The following CNTN4 variants were observed in gnomAD, a reference collection of about 807,000 sequenced individuals.
CNTN4 encodes contactin 4, also known as contactin-4.
CNTN4 carries 77 observed loss-of-function variants against 122.5 expected under a neutral mutation model. The observed-to-expected ratio is 0.63, with a 90% CI of 0.52 to 0.76. The LOEUF is 0.76. CNTN4 is among the 30% of genes least tolerant of loss of function. The probability of loss-of-function intolerance (pLI) is 0.00; values close to 1 mark genes in which losing one functional copy is unlikely to be tolerated. For synonymous variants in CNTN4, 512 were observed against 447.0 expected, an observed-to-expected ratio of 1.15 and a Z score of -1.83; for missense variants, 1,256 against 1,259.1, an observed-to-expected ratio of 1.00 and a Z score of 0.04.
At chr3:2,292,219 C>T (rs1433863337) in intron 2 of CNTN4, among the ~76,000 whole-genome samples, 1 of 152,154 alleles carries the variant, frequency 6.6e-6, no homozygotes, top group Non-Finnish European at 1.5e-5. Flanking sequence ...CTTCTGGATT[C>T]TTCTCTAATA....
intron 4 of CNTN4, among the ~76,000 whole-genome samples, chr3:2,590,986 CGA>C (rs1559277906): frequency 6.6e-6 from 1 of 152,072 alleles, no homozygotes; most frequent in Non-Finnish European, 1.5e-5. Context: ...CATCAATATT[CGA>C]AATAATGCAT....
chr3:2,995,121 C>T (rs1476930084), intron 14 of CNTN4, among the ~76,000 whole-genome samples: 1 of 151,992 alleles, frequency 6.6e-6, no homozygotes, highest in Non-Finnish European at 1.5e-5. Context: ...GAACATCTGG[C>T]CAGAACATTT....
At chr3:2,258,014 G>C (rs1333089960) in intron 2 of CNTN4, among the ~76,000 whole-genome samples, 1 of 152,162 alleles carries the variant, frequency 6.6e-6, no homozygotes, top group Admixed American at 6.5e-5. Context: ...AGTGAGCTGA[G>C]ATCGCACCAT....
intron 4 of CNTN4, among the ~76,000 whole-genome samples, chr3:2,621,553 C>A (rs140392668): frequency 3.3e-4 from 50 of 151,898 alleles, no homozygotes; most frequent in African/African-American, 9.4e-4. Context: ...TGTAGATGAC[C>A]GGTTGATGGG....
chr3:2,744,582 C>G (rs2149546097), intron 5 of CNTN4, among the ~76,000 whole-genome samples: 1 of 152,252 alleles, frequency 6.6e-6, no homozygotes, highest in East Asian at 1.9e-4. Context: ...AGTTAATATT[C>G]TGTGTAAGAG....
intron 2 of CNTN4, among the ~76,000 whole-genome samples, chr3:2,252,518 GA>G (rs922483758): frequency 1.3e-5 from 2 of 151,856 alleles, no homozygotes; most frequent in African/African-American, 4.8e-5. Flanking sequence ...ATAAGAAAAA[GA>G]AAAAAATTAG....
Position 2,297,037 on chromosome 3 carries a change from T to G in CNTN4, c.-144-42141T>G, listed in dbSNP as rs375289548. On this transcript the variant is annotated intron_variant, in intron 2 of 24. Transcript: ENST00000418658. Reference sequence around the variant, plus strand: ...TCAGGCCTTTGATCATAGGCATTATTTTCAATTTGGATGAACTGGGGTATT... The same window carrying G: ...TCAGGCCTTTGATCATAGGCATTATGTTCAATTTGGATGAACTGGGGTATT... Among the ~76,000 whole-genome samples the G allele has an allele frequency of 2.2e-4, 33 of 152,336 alleles. No homozygotes were observed. The South Asian group carries it at 6.8e-3, about 32-fold the overall frequency.
In CNTN4 at chr3:2,745,689, A is replaced by G. The variant is rs754622328; in HGVS notation, c.350A>G (p.Gln117Arg). 17 of 1,613,842 alleles carry G rather than the reference A, an allele frequency of 1.1e-5. No individual in the cohort carries two copies. The highest frequency in any genetic ancestry group is 1.0e-4 in the Admixed American group (6 of 60,002). The change falls in exon 6 of 25, where the codon CAG becomes CGG. Residue 117 changes from glutamine (Q) to arginine (R), a missense_variant. By Grantham distance (43) the Gln-to-Arg change is conservative. Coordinates refer to ENST00000418658, the MANE Select transcript of CNTN4 (RefSeq NM_175607.3). ...GTIVSREAKL[Q>R]FAYLDNFKTR... Reference sequence around the variant, plus strand: ...ATTGTTAGCAGAGAAGCAAAGCTTCAGTTTGCTTGTAAGTAGCAATTATAC... The same window carrying G: ...ATTGTTAGCAGAGAAGCAAAGCTTCGGTTTGCTTGTAAGTAGCAATTATAC...
chr3:3,056,424 G>C lies in CNTN4; in HGVS notation c.*204G>C, dbSNP rs894010214. On this transcript the variant is annotated 3_prime_UTR_variant, in exon 25 of 25. Transcript: ENST00000418658. ...TGTCTGAAGTTTCTTTGGAAACTCT[G>C]CAATGCACTGAAGACATCTGTAATA... is the stretch of plus-strand genomic sequence containing the variant. 5.5e-6 allele frequency: 3 copies of C among 548,128 alleles called. No individual in the cohort carries two copies. The African/African-American group carries it at 5.7e-5, about 10-fold the overall frequency. 34.0% of individuals were successfully genotyped at this position (548,128 alleles called of 1,614,324 possible).
chr3:2,170,278 C>G (rs565963612), intron 2 of CNTN4, among the ~76,000 whole-genome samples: 1,797 of 151,652 alleles, frequency 0.012, 21 homozygotes, highest in Admixed American at 0.025. Flanking sequence ...CGAGATCGCG[C>G]CACCGCACTC....
intron 3 of CNTN4, among the ~76,000 whole-genome samples, chr3:2,378,291 C>A (rs1234045201): frequency 6.6e-6 from 1 of 152,156 alleles, no homozygotes; most frequent in Non-Finnish European, 1.5e-5. Flanking sequence ...TCAGTATGGG[C>A]CTTCCCAAAT....
At chr3:2,562,256 G>A (rs903526776) in intron 3 of CNTN4, among the ~76,000 whole-genome samples, 9 of 151,962 alleles carry the variant, frequency 5.9e-5, no homozygotes, top group African/African-American at 1.9e-4. Flanking sequence ...AAATTCAGGG[G>A]GTACTTGTGT....
At chr3:2,750,328 A>C (rs2090028716) in intron 6 of CNTN4, among the ~76,000 whole-genome samples, 1 of 152,250 alleles carries the variant, frequency 6.6e-6, no homozygotes, top group Non-Finnish European at 1.5e-5. Context: ...CTTATAAGGT[A>C]GACATTATTT....
intron 4 of CNTN4, among the ~76,000 whole-genome samples, chr3:2,714,021 A>T (rs2087321212): frequency 6.6e-6 from 1 of 152,132 alleles, no homozygotes. Flanking sequence ...AATGTTAGCT[A>T]TTTTCACTAC....
chr3:2,571,595 G>C lies in CNTN4; in HGVS notation c.55+37G>C, dbSNP rs775005762. 3.4e-6 allele frequency: 5 copies of C among 1,481,632 alleles called. No individual in the cohort carries two copies. In the South Asian group the frequency reaches 5.7e-5, roughly 17 times the overall value. The allele number at this position is 1,481,632 out of a possible 1,614,324, so 91.8% of individuals were successfully genotyped here. On this transcript the variant is annotated intron_variant, in intron 4 of 24. Coordinates refer to ENST00000418658, the MANE Select transcript of CNTN4 (RefSeq NM_175607.3). ...TTTTAAAACTTTTTGATTTAGAAATGCCACTGTATTTCACACTAATTCAAA... is the reference window on the plus strand; with the variant it reads ...TTTTAAAACTTTTTGATTTAGAAATCCCACTGTATTTCACACTAATTCAAA...
At position 2,709,593 on chromosome 3, in the gene CNTN4, A is replaced by C. The variant is rs557943563; in HGVS notation, c.56-26622A>C. On this transcript the variant is annotated intron_variant, in intron 4 of 24. Transcript: ENST00000418658. This position sits in a 1 kb window ranked among gnomAD's most constrained non-coding sequence, Gnocchi z 5.0. ...AAAATGAACAATTTCACATATTGAA[A>C]AATGTTTTTAATAATTAATCATTTA... 2.0e-5 allele frequency among the ~76,000 whole-genome samples: 3 copies of C among 152,212 alleles called. No homozygotes were observed. The East Asian group carries it at 5.8e-4, about 29-fold the overall frequency.
chr3:2,704,035 G>A (rs1028560690), intron 4 of CNTN4, among the ~76,000 whole-genome samples: 4 of 152,148 alleles, frequency 2.6e-5, no homozygotes, highest in African/African-American at 9.6e-5. Flanking sequence ...GATCACGCCT[G>A]TAATCCCAGA....
At chr3:2,641,868 A>G (rs2082909278) in intron 4 of CNTN4, among the ~76,000 whole-genome samples, 1 of 152,164 alleles carries the variant, frequency 6.6e-6, no homozygotes, top group Non-Finnish European at 1.5e-5. Context: ...ATTGCAAGCC[A>G]TTTTTACATC....
intron 4 of CNTN4, among the ~76,000 whole-genome samples, chr3:2,623,396 A>G (rs756336613): frequency 6.6e-5 from 10 of 152,142 alleles, no homozygotes; most frequent in Admixed American, 1.3e-4. Flanking sequence ...TTCTGGTGGT[A>G]GGCGATTAAT....
Sources: gnomAD v4.1 joint callset for allele counts (sites outside exome capture counted in the v4.1 genomes callset) on GRCh38, gnomAD v4.1.1 for gene constraint, Gnocchi (gnomAD v3.1) non-coding constraint, MANE v1.5 for transcripts, NCBI Gene and HGNC (gene_info 2026-07-23, HGNC 2026-07-21) for gene names.